CNKSR2: variants seen among roughly 807,000 people sequenced by gnomAD.
CNKSR2 encodes CNK homolog protein 2.
Under a neutral mutation model 84.4 loss-of-function variants are expected in CNKSR2, and 14 were observed. That is an observed-to-expected ratio of 0.17 (90% CI 0.11 to 0.26). The LOEUF is 0.26. Ranked by LOEUF, CNKSR2 falls within the 10% of genes least tolerant of loss-of-function variation. CNKSR2 has a pLI of 1.00. For synonymous variants in CNKSR2, 275 were observed against 277.9 expected (o/e 0.99, Z 0.10); for missense variants, 485 against 771.2 (o/e 0.63, Z 4.40).
At chrX:21,483,925 T>C (rs2091350987) in intron 5 of CNKSR2, among the ~76,000 whole-genome samples, 2 of 111,829 alleles carry the variant, frequency 1.8e-5, no homozygotes, top group South Asian at 7.4e-4. Context: ...AATGCACATG[T>C]CATCCTACAT....
intron 6 of CNKSR2, chrX:21,491,074 G>A (rs2091437410): frequency 1.8e-5 from 2 of 111,235 alleles, no homozygotes; most frequent in Non-Finnish European, 3.8e-5. Context: ...AAGTAAGCAC[G>A]TGGATATTGC....
chrX:21,588,976 G>A (rs970364379), intron 13 of CNKSR2, among the ~76,000 whole-genome samples: 11 of 112,575 alleles, frequency 9.8e-5, no homozygotes, highest in Admixed American at 9.4e-4. Context: ...AAGCACACTA[G>A]CCTGAGTTAT....
At position 21,571,824 on chromosome X, in the gene CNKSR2, C is replaced by T. The variant is rs1165481868; in HGVS notation, c.1608+8372C>T. ...CAGTTATAAAGGTTGGTTTGTCTAA[C>T]GGCTGCCTGACTTAGCTGCATTCTT... is the stretch of plus-strand genomic sequence containing the variant. On this transcript the variant is annotated intron_variant, in intron 13 of 21. Transcript: ENST00000379510. 2.7e-5 allele frequency among the ~76,000 whole-genome samples: 3 copies of T among 112,144 alleles called. No individual in the cohort carries two copies. In the East Asian group the frequency reaches 8.4e-4, roughly 31 times the overall value.
At chrX:21,407,528 C>T (rs183054113) in intron 1 of CNKSR2, among the ~76,000 whole-genome samples, 24 of 110,631 alleles carry the variant, frequency 2.2e-4, no homozygotes, top group Admixed American at 2.0e-3. Flanking sequence ...GAACCCCTCA[C>T]CCCCTCCTAT....
intron 4 of CNKSR2, chrX:21,441,289 TC>T (rs1486947858): frequency 9.0e-6 from 1 of 111,315 alleles, no homozygotes; most frequent in Non-Finnish European, 1.9e-5. Flanking sequence ...CTGTTCTTTT[TC>T]TACTGTTATG....
At chrX:21,585,405 G>A (rs1373116988) in intron 13 of CNKSR2, among the ~76,000 whole-genome samples, 6 of 107,597 alleles carry the variant, frequency 5.6e-5, no homozygotes, top group Non-Finnish European at 1.1e-4. Context: ...CTTAGACCAG[G>A]GTGGTAATAA....
At chrX:21,388,000 C>A (rs1363162524) in intron 1 of CNKSR2, among the ~76,000 whole-genome samples, 2 of 110,096 alleles carry the variant, frequency 1.8e-5, no homozygotes, top group Non-Finnish European at 3.8e-5. Context: ...CCCGGGTTCA[C>A]GCCATTCTTC....
intron 20 of CNKSR2, chrX:21,641,484 G>A: frequency 8.6e-7 from 1 of 1,156,263 alleles, no homozygotes; most frequent in East Asian, 3.2e-5. Flanking sequence ...TGGAAATAAT[G>A]GCACTCGCAG....
chrX:21,460,021 A>G (rs937448253), intron 4 of CNKSR2, among the ~76,000 whole-genome samples: 2 of 111,538 alleles, frequency 1.8e-5, no homozygotes, highest in Admixed American at 9.5e-5. Context: ...CATGGGATTA[A>G]TTCTTGCTCT....
chrX:21,385,120 T>C (rs201172011), intron 1 of CNKSR2, among the ~76,000 whole-genome samples: 2 of 111,858 alleles, frequency 1.8e-5, no homozygotes, highest in East Asian at 5.6e-4. Flanking sequence ...TTTCTACCCT[T>C]TAAAAATTGG....
rs1232251668 is a variant in CNKSR2, at chrX:21,654,202, T to A, written c.*1681T>A. 2.9e-5 allele frequency: 3 copies of A among 103,656 alleles called. No individual in the cohort carries two copies. The highest frequency in any genetic ancestry group is 1.1e-4 in the African/African-American group (3 of 28,298). The allele number at this position is 103,656 out of a possible 1,213,427, so 8.5% of individuals were successfully genotyped here. A position where few individuals can be genotyped will look rare whatever the true frequency, so the allele number is the denominator to read the frequency against. ...AATATTTTTATCATTTAAAAAGAACTCTATTTGTAAAAACATTTATTTACT... is the reference window on the plus strand; with the variant it reads ...AATATTTTTATCATTTAAAAAGAACACTATTTGTAAAAACATTTATTTACT... On this transcript the variant is annotated 3_prime_UTR_variant, in exon 22 of 22. Coordinates refer to ENST00000379510, the MANE Select transcript of CNKSR2 (RefSeq NM_014927.5).
chrX:21,555,213 A>G, intron 11 of CNKSR2, among the ~76,000 whole-genome samples: 1 of 110,297 alleles, frequency 9.1e-6, no homozygotes, highest in African/African-American at 3.3e-5. Context: ...TGGAAATGAG[A>G]TTTTAACTGG....
chrX:21,554,243 A>G (rs1189964074), intron 11 of CNKSR2, among the ~76,000 whole-genome samples: 3 of 111,813 alleles, frequency 2.7e-5, no homozygotes, highest in Non-Finnish European at 5.7e-5. Context: ...TCCTTTAGCA[A>G]TTCTTTCATG....
At chrX:21,458,161 A>G (rs1170101845) in intron 4 of CNKSR2, among the ~76,000 whole-genome samples, 4 of 112,412 alleles carry the variant, frequency 3.6e-5, no homozygotes, top group East Asian at 2.8e-4. Flanking sequence ...CACTGCATCT[A>G]ACACCACAGT....
At chrX:21,530,444 C>G (rs181440558) in intron 10 of CNKSR2, among the ~76,000 whole-genome samples, 1 of 110,908 alleles carries the variant, frequency 9.0e-6, no homozygotes, top group East Asian at 2.8e-4. Context: ...GACTGGGGCT[C>G]ATATTTTAGA....
At position 21,442,895 on chromosome X, in the gene CNKSR2, A is replaced by G. The variant is rs113439466; in HGVS notation, c.519+2114A>G. On this transcript the variant is annotated intron_variant, in intron 4 of 21. Transcript: ENST00000379510. ...GGTCATTATCTTAAGCAAACTTAAC[A>G]CAGGAACAGAAAACCAAATACCATA... Among the ~76,000 whole-genome samples the G allele has an allele frequency of 7.5e-3, 829 of 111,134 alleles. 3 individuals carry two copies. Among genetic ancestry groups the G allele is most frequent in the African/African-American group, 0.026 (788 of 30,619 alleles).
intron 9 of CNKSR2, among the ~76,000 whole-genome samples, chrX:21,518,404 AAAATACCCTAGTT>A (rs1171019264): frequency 5.4e-5 from 6 of 111,454 alleles, no homozygotes; most frequent in Non-Finnish European, 1.1e-4. Flanking sequence ...TTAAGCACCA[AAAATACCCTAGTT>A]TCTTGTTGAT....
chrX:21,374,750 C>A lies in CNKSR2; in HGVS notation c.-148C>A. The stretch of plus-strand genomic sequence containing the variant: ...GGTTGGCTAAAAGACGTTACAGCCG[C>A]GAGACCCGACACACAAAAGCCGCTT... On this transcript the variant is annotated 5_prime_UTR_variant, in exon 1 of 22. Transcript: ENST00000379510. 1.9e-6 allele frequency: 1 copy of A among 529,717 alleles called. No homozygotes were observed. The allele number at this position is 529,717 out of a possible 1,213,427, so 43.7% of individuals were successfully genotyped here.
chrX:21,403,882 T>C (rs898938461), intron 1 of CNKSR2, among the ~76,000 whole-genome samples: 1 of 112,071 alleles, frequency 8.9e-6, no homozygotes, highest in East Asian at 2.8e-4. Flanking sequence ...TTATATTTCA[T>C]GTATACCACA....
Sources: gnomAD v4.1 joint callset for allele counts (sites outside exome capture counted in the v4.1 genomes callset) on GRCh38, gnomAD v4.1.1 for gene constraint, MANE v1.5 for transcripts, NCBI Gene and HGNC (gene_info 2026-07-23, HGNC 2026-07-21) for gene names.